Variants in IGSF11 observed in about 807,000 individuals in gnomAD.
IGSF11 encodes the protein immunoglobulin superfamily member 11.
In IGSF11, 22 loss-of-function variants were observed where a neutral mutation model predicts 41.0. The observed-to-expected ratio is 0.54, with a 90% CI of 0.38 to 0.77. The LOEUF (loss-of-function observed/expected upper bound fraction) is 0.77. Ranked by LOEUF, IGSF11 falls within the 30% of genes least tolerant of loss-of-function variation. IGSF11 has a pLI of 0.00. For synonymous variants in IGSF11, 219 were observed against 201.3 expected, an observed-to-expected ratio of 1.09 and a Z score of -0.74; for missense variants, 444 against 530.8, an observed-to-expected ratio of 0.84 and a Z score of 1.61.
chr3:118,913,042 A>G (rs12489856), intron 4 of IGSF11, among the ~76,000 whole-genome samples: 42,632 of 151,860 alleles, frequency 0.28, 8,303 homozygotes, highest in African/African-American at 0.54. Flanking sequence ...TCAAAACTCA[A>G]TGGATAAGCT....
intron 1 of IGSF11, chr3:118,948,006 G>C (rs1467613692): frequency 6.6e-6 from 1 of 152,094 alleles, no homozygotes; most frequent in African/African-American, 2.4e-5. Flanking sequence ...TTGTTGACTG[G>C]TTTGGCAATT....
upstream of IGSF11, among the ~76,000 whole-genome samples, chr3:119,039,160 A>G (rs1340731634): frequency 2.6e-5 from 4 of 152,214 alleles, no homozygotes; most frequent in South Asian, 8.3e-4. Context: ...TATTGCTGCT[A>G]TAACAAATTA....
At chr3:119,139,505 G>A (rs895774486) in intron 1 of IGSF11, among the ~76,000 whole-genome samples, 5 of 152,170 alleles carry the variant, frequency 3.3e-5, no homozygotes, top group African/African-American at 1.2e-4. Context: ...CATGAGATCT[G>A]ATGGTTTTAA....
At chr3:119,075,119 T>G (rs1019863603) in intron 1 of IGSF11, among the ~76,000 whole-genome samples, 1 of 151,918 alleles carries the variant, frequency 6.6e-6, no homozygotes, top group Non-Finnish European at 1.5e-5. Context: ...AGAATCCAAA[T>G]AGACACAATC....
chr3:119,081,173 T>C (rs1441691997), intron 1 of IGSF11, among the ~76,000 whole-genome samples: 4 of 152,176 alleles, frequency 2.6e-5, no homozygotes, highest in Admixed American at 2.0e-4. Flanking sequence ...TATCTCCTTC[T>C]TACTTTTCAT....
intron 1 of IGSF11, among the ~76,000 whole-genome samples, chr3:119,072,154 C>T (rs999569611): frequency 3.3e-5 from 5 of 152,226 alleles, no homozygotes; most frequent in African/African-American, 9.7e-5. Context: ...TGTTTCCGTA[C>T]AGTAAGTTCA....
chr3:119,009,861 A>G (rs1937894468), intron 1 of IGSF11, among the ~76,000 whole-genome samples: 1 of 145,498 alleles, frequency 6.9e-6, no homozygotes, highest in Admixed American at 7.1e-5. Context: ...GGAACGTAAC[A>G]TCTACCTTGA....
In IGSF11 at chr3:118,905,712, A is replaced by C; in HGVS notation, c.587T>G (p.Val196Gly). ...GTTCCGGATGGTGACTGTTCCCTGG[A>C]CCTGGTCTGTCACAAAAATAATAAC... ...KLPPTATQDQ[V>G]QGTVTIRNIS... is the part of the protein sequence containing the mutation. The change falls in exon 5 of 7, where the codon GTC becomes GGC. Residue 196 changes from valine (V) to glycine (G), a missense_variant. Coordinates refer to ENST00000393775, the MANE Select transcript of IGSF11 (RefSeq NM_001015887.3). 6.2e-7 allele frequency: 1 copy of C among 1,613,718 alleles called. No individual in the cohort carries two copies. Among genetic ancestry groups the C allele is most frequent in the Non-Finnish European group, 8.5e-7 (1 of 1,179,732 alleles).
At chr3:119,009,823 C>A (rs1260071358) in intron 1 of IGSF11, among the ~76,000 whole-genome samples, 1 of 152,118 alleles carries the variant, frequency 6.6e-6, no homozygotes, top group African/African-American at 2.4e-5. Context: ...AACTACCATA[C>A]AAATTGGGAA....
chr3:118,988,355 T>C (rs2107647721), intron 1 of IGSF11, among the ~76,000 whole-genome samples: 1 of 152,248 alleles, frequency 6.6e-6, no homozygotes, highest in Non-Finnish European at 1.5e-5. Context: ...TAATTCAGTC[T>C]GGAATTCAAA....
intron 4 of IGSF11, among the ~76,000 whole-genome samples, chr3:118,917,288 A>G (rs1055460988): frequency 2.7e-5 from 4 of 150,140 alleles, no homozygotes; most frequent in Admixed American, 6.6e-5. Flanking sequence ...AGAGACACAA[A>G]AAACCCTTCA....
At chr3:118,935,232 T>C (rs1211106344) in intron 1 of IGSF11, among the ~76,000 whole-genome samples, 20 of 146,186 alleles carry the variant, frequency 1.4e-4, no homozygotes, top group Admixed American at 1.3e-3. Flanking sequence ...TCAGGGTGTA[T>C]ATACATATAT....
chr3:118,911,773 G>A (rs188743474), intron 4 of IGSF11, among the ~76,000 whole-genome samples: 208 of 152,168 alleles, frequency 1.4e-3, no homozygotes, highest in African/African-American at 3.9e-3. Flanking sequence ...ATTCCTGAGT[G>A]TTACAACCAC....
At position 119,046,425 on chromosome 3, in the gene IGSF11, A is replaced by G. The variant is rs1304319872; in HGVS notation, c.49+58719T>C. Among the ~76,000 whole-genome samples the G allele has an allele frequency of 5.9e-5, 9 of 152,016 alleles. No homozygotes were observed. In the South Asian group the frequency reaches 8.3e-4, roughly 14 times the overall value. On this transcript the variant is annotated intron_variant, in intron 1 of 6. Coordinates refer to the IGSF11 transcript ENST00000354673. ...GAAGATGAAATGAATGAAATGAACC[A>G]AGAAGGAAAGTTTAGAGAAAAAAGA...
At position 118,904,838 on chromosome 3, in the gene IGSF11, A is replaced by G. The variant is rs757063888; in HGVS notation, c.704-40T>C. 10 of 1,530,942 alleles carry G rather than the reference A, an allele frequency of 6.5e-6. No individual in the cohort carries two copies. The African/African-American group carries it at 1.3e-4, about 19-fold the overall frequency. The allele number at this position is 1,530,942 out of a possible 1,614,324, so 94.8% of individuals were successfully genotyped here. The stretch of plus-strand genomic sequence containing the variant: ...TAAGATATATTTAAAGAAAAGAGAA[A>G]GAGAGAAATAGCATATACCCATGCA... On this transcript the variant is annotated intron_variant, in intron 5 of 6. Coordinates refer to ENST00000393775, the MANE Select transcript of IGSF11 (RefSeq NM_001015887.3).
At chr3:119,056,149 A>C (rs941555265) in intron 1 of IGSF11, among the ~76,000 whole-genome samples, 10 of 152,160 alleles carry the variant, frequency 6.6e-5, no homozygotes, top group East Asian at 1.9e-4. Context: ...AATAGAGACA[A>C]AAAAAACCCT....
At chr3:118,960,048 A>G (rs1286163409) in intron 1 of IGSF11, among the ~76,000 whole-genome samples, 1 of 151,470 alleles carries the variant, frequency 6.6e-6, no homozygotes, top group African/African-American at 2.4e-5. Context: ...CCGTCTCAAA[A>G]AAAAAAAAAA....
intron 1 of IGSF11, among the ~76,000 whole-genome samples, chr3:119,135,561 C>T (rs551482469): frequency 6.6e-6 from 1 of 152,198 alleles, no homozygotes; most frequent in Admixed American, 6.5e-5. Context: ...AGTCAGGAAA[C>T]AACAGATGCT....
At chr3:118,957,553 T>C (rs1945049745) in intron 1 of IGSF11, among the ~76,000 whole-genome samples, 1 of 152,188 alleles carries the variant, frequency 6.6e-6, no homozygotes, top group African/African-American at 2.4e-5. Context: ...GAATCAAATT[T>C]TGAATATAAG....
Sources: gnomAD v4.1 joint callset for allele counts (sites outside exome capture counted in the v4.1 genomes callset) on GRCh38, gnomAD v4.1.1 for gene constraint, MANE v1.5 for transcripts, NCBI Gene and HGNC (gene_info 2026-07-23, HGNC 2026-07-21) for gene names.